ARID4B: variants seen among roughly 807,000 people sequenced by gnomAD.
The protein encoded by ARID4B is AT-rich interaction domain 4B.
ARID4B carries 26 observed loss-of-function variants against 147.5 expected under a neutral mutation model. The observed-to-expected ratio is 0.18, with a 90% CI of 0.13 to 0.24. ARID4B has a LOEUF of 0.24. Among genes scored for constraint, ARID4B ranks in the 10% least tolerant of loss-of-function variants. The pLI is 1.00. For missense variants in ARID4B, 1,179 were observed against 1,511.5 expected, an observed-to-expected ratio of 0.78 and a Z score of 3.65; for synonymous variants, 512 against 507.9, an observed-to-expected ratio of 1.01 and a Z score of -0.11.
chr1:235,265,076 T>C (rs1467164848), intron 2 of ARID4B, among the ~76,000 whole-genome samples: 1 of 131,614 alleles, frequency 7.6e-6, no homozygotes, highest in African/African-American at 2.9e-5. Context: ...AAAAAAAAAG[T>C]TTTCGGCTGG....
chr1:235,264,287 T>C (rs569474228), intron 2 of ARID4B, among the ~76,000 whole-genome samples: 3 of 152,316 alleles, frequency 2.0e-5, no homozygotes, highest in African/African-American at 4.8e-5. Context: ...TTGAGACATA[T>C]ATAATCATCT....
At chr1:235,232,391 G>C (rs1425933257) in intron 9 of ARID4B, among the ~76,000 whole-genome samples, 1 of 151,942 alleles carries the variant, frequency 6.6e-6, no homozygotes, top group Non-Finnish European at 1.5e-5. Context: ...TTGCACTCCA[G>C]CCTGGGCAAC....
chr1:235,255,271 C>A lies in ARID4B; in HGVS notation c.274+389G>T, dbSNP rs61133555. Among the ~76,000 whole-genome samples the A allele has an allele frequency of 7.8e-3, 409 of 52,536 alleles. 2 individuals are homozygous for A. Among genetic ancestry groups the A allele is most frequent in the African/African-American group, 0.011 (207 of 19,522 alleles). 34.5% of individuals were successfully genotyped at this position (52,536 alleles called of 152,430 possible). A position where few individuals can be genotyped will look rare whatever the true frequency, so the allele number is the denominator to read the frequency against. On this transcript the variant is annotated intron_variant, in intron 5 of 23. Transcript: ENST00000264183. ...GATAGATAGATAGATAGATATATAT[C>A]TCTCTCTCTCTCTCTCTATATATAT...
At chr1:235,304,039 A>G (rs1428723620) in intron 2 of ARID4B, among the ~76,000 whole-genome samples, 2 of 152,214 alleles carry the variant, frequency 1.3e-5, no homozygotes, top group Non-Finnish European at 2.9e-5. Context: ...CATTTCTCAT[A>G]TACTGAAAAT....
At chr1:235,176,405 A>C (rs1022478837) in intron 21 of ARID4B, among the ~76,000 whole-genome samples, 15 of 135,220 alleles carry the variant, frequency 1.1e-4, no homozygotes, top group Non-Finnish European at 2.3e-4. Flanking sequence ...GATTTGGCAT[A>C]TATTTACTGA....
In ARID4B at chr1:235,314,670, A is replaced by G. The variant is rs1674306661; in HGVS notation, c.6+12244T>C. ...AGCAGGAAAAGAAAGGTTAGAAACA[A>G]CAGCAAGGTTCCTGGAATAAAGAAA... On this transcript the variant is annotated intron_variant, in intron 2 of 23. Transcript: ENST00000264183. 6.6e-5 allele frequency among the ~76,000 whole-genome samples: 10 copies of G among 152,208 alleles called. 1 individual carries two copies. In the South Asian group the frequency reaches 1.9e-3, roughly 28 times the overall value.
chr1:235,258,521 T>C (rs1339746157), intron 3 of ARID4B, among the ~76,000 whole-genome samples: 2 of 152,130 alleles, frequency 1.3e-5, no homozygotes, highest in African/African-American at 4.8e-5. Flanking sequence ...AATAATGAGT[T>C]CAAATTTAAA....
At chr1:235,226,290 G>A (rs931472874) in intron 11 of ARID4B, among the ~76,000 whole-genome samples, 5 of 152,144 alleles carry the variant, frequency 3.3e-5, no homozygotes, top group East Asian at 1.9e-4. Context: ...TTACAAATTC[G>A]TGGGGAAGAA....
At chr1:235,195,227 T>C (rs1283295200) in intron 18 of ARID4B, among the ~76,000 whole-genome samples, 1 of 152,152 alleles carries the variant, frequency 6.6e-6, no homozygotes, top group Admixed American at 6.5e-5. Flanking sequence ...AATAATTCTA[T>C]CATACATAAA....
At chr1:235,322,332 G>A (rs533506158) in intron 2 of ARID4B, among the ~76,000 whole-genome samples, 37 of 152,012 alleles carry the variant, frequency 2.4e-4, no homozygotes, top group Non-Finnish European at 5.2e-4. Flanking sequence ...GAAAATTTTC[G>A]ACTCCCTCAC....
At position 235,215,569 on chromosome 1, in the gene ARID4B, GTGTGTGTGTGTA is replaced by G. The variant is rs764323677; in HGVS notation, c.1584-1555_1584-1544del. On this transcript the variant is annotated intron_variant, in intron 16 of 23. Coordinates refer to ENST00000264183, the MANE Select transcript of ARID4B (RefSeq NM_016374.6). ...TATATGTGTGTGTGTGTGTGTGTGTGTGTGTGTGTGTATATATTTTTCCCCCCCTTGGAGACA... is the reference window on the plus strand; with the variant it reads ...TATATGTGTGTGTGTGTGTGTGTGTGTATATTTTTCCCCCCCTTGGAGACA... Among the ~76,000 whole-genome samples, 971 of 148,022 alleles carry G rather than the reference GTGTGTGTGTGTA, an allele frequency of 6.6e-3. 9 individuals carry two copies. The highest frequency in any genetic ancestry group is 0.031 in the Middle Eastern group (9 of 288).
intron 2 of ARID4B, among the ~76,000 whole-genome samples, chr1:235,317,298 A>T (rs1394338314): frequency 6.6e-6 from 1 of 152,188 alleles, no homozygotes; most frequent in Non-Finnish European, 1.5e-5. Context: ...TGTGTTTCTT[A>T]ACATTTGTAC....
At chr1:235,193,006 C>G (rs1325534657) in intron 19 of ARID4B, among the ~76,000 whole-genome samples, 4 of 151,652 alleles carry the variant, frequency 2.6e-5, no homozygotes, top group Non-Finnish European at 5.9e-5. Context: ...GACAGGAGAA[C>G]AGTGTGAACC....
At position 235,181,949 on chromosome 1, in the gene ARID4B, G is replaced by C. The variant is rs967649582; in HGVS notation, c.2970C>G (p.Val990=). ...CTTCAATGGGTTTACTATCGACATT[G>C]ACTGGAGGTGGTTTTTCTAGTTCTA... ...PSVELEKPPP[V]NVDSKPIEEK... The change falls in exon 20 of 24, where the codon GTC becomes GTG. Residue 990 remains valine, a synonymous_variant. Transcript: ENST00000264183. The C allele has an allele frequency of 1.1e-5, 18 of 1,614,042 alleles. No individual in the cohort carries two copies. In the East Asian group the frequency reaches 3.8e-4, roughly 34 times the overall value.
In ARID4B at chr1:235,277,922, G is replaced by C. The variant is rs1032303481; in HGVS notation, c.7-17170C>G. Among the ~76,000 whole-genome samples the C allele has an allele frequency of 2.0e-5, 3 of 152,106 alleles. No individual in the cohort carries two copies. In the South Asian group the frequency reaches 6.2e-4, roughly 31 times the overall value. ...CACCTACTCTTACTGGTAGGTCACA[G>C]TGGTATTCTTTTGAGTCACCAGTAA... is the stretch of plus-strand genomic sequence containing the variant. On this transcript the variant is annotated intron_variant, in intron 2 of 23. Coordinates refer to ENST00000264183, the MANE Select transcript of ARID4B (RefSeq NM_016374.6).
At chr1:235,294,321 T>C (rs2103221360) in intron 2 of ARID4B, among the ~76,000 whole-genome samples, 1 of 147,380 alleles carries the variant, frequency 6.8e-6, no homozygotes, top group African/African-American at 2.5e-5. Flanking sequence ...ATTTTTTTTT[T>C]TTTTTTTTTG....
chr1:235,191,776 A>G (rs1665129389), intron 19 of ARID4B, among the ~76,000 whole-genome samples: 1 of 152,164 alleles, frequency 6.6e-6, no homozygotes. Flanking sequence ...TCAATTTTTA[A>G]AAAACTAAAA....
intron 2 of ARID4B, among the ~76,000 whole-genome samples, chr1:235,275,298 C>T (rs928987644): frequency 4.6e-5 from 7 of 152,272 alleles, no homozygotes; most frequent in Admixed American, 3.3e-4. Context: ...CTGGGCCGAT[C>T]GGTTTTACTC....
At chr1:235,193,445 T>C (rs1292486284) in intron 19 of ARID4B, among the ~76,000 whole-genome samples, 1 of 152,238 alleles carries the variant, frequency 6.6e-6, no homozygotes, top group Non-Finnish European at 1.5e-5. Flanking sequence ...CAAAGTTTGG[T>C]GTTCTTTACA....
Sources: gnomAD v4.1 joint callset for allele counts (sites outside exome capture counted in the v4.1 genomes callset) on GRCh38, gnomAD v4.1.1 for gene constraint, MANE v1.5 for transcripts, NCBI Gene and HGNC (gene_info 2026-07-23, HGNC 2026-07-21) for gene names.